MAGI1: variants seen among roughly 807,000 people sequenced by gnomAD.
MAGI1 encodes the protein membrane-associated guanylate kinase, WW and PDZ domain-containing protein 1.
A neutral mutation model predicts 139.9 loss-of-function variants in MAGI1; 58 were observed. The observed-to-expected ratio is 0.41, with a 90% CI of 0.34 to 0.52. The LOEUF is 0.52. Ranked by LOEUF, MAGI1 falls within the 20% of genes least tolerant of loss-of-function variation. MAGI1 has a pLI of 0.12. For synonymous variants in MAGI1, 812 were observed against 737.9 expected, an observed-to-expected ratio of 1.10 and a Z score of -1.63; for missense variants, 1,874 against 1,901.6, an observed-to-expected ratio of 0.99 and a Z score of 0.27.
chr3:65,682,523 G>C (rs571567093), intron 1 of MAGI1, among the ~76,000 whole-genome samples: 75 of 152,258 alleles, frequency 4.9e-4, no homozygotes, highest in Middle Eastern at 6.8e-3. Context: ...GCCAAGAAAG[G>C]AGCATTGACC....
chr3:66,010,192 AT>A (rs2067256062), intron 1 of MAGI1, among the ~76,000 whole-genome samples: 3 of 151,892 alleles, frequency 2.0e-5, no homozygotes, highest in African/African-American at 7.2e-5. Context: ...CATCACATGT[AT>A]TAGTAAGTCA....
intron 1 of MAGI1, among the ~76,000 whole-genome samples, chr3:65,700,450 AAAATAAAT>A (rs144201469): frequency 1.3e-5 from 2 of 151,622 alleles, no homozygotes; most frequent in African/African-American, 4.9e-5. Context: ...ACTCCATCTC[AAAATAAAT>A]AAATAAATAA....
intron 1 of MAGI1, among the ~76,000 whole-genome samples, chr3:65,815,583 T>C (rs1026938654): frequency 6.6e-6 from 1 of 152,198 alleles, no homozygotes; most frequent in African/African-American, 2.4e-5. Flanking sequence ...AGTCAAATCA[T>C]ATAGTATTAT....
At chr3:65,861,475 G>C (rs1438423690) in intron 1 of MAGI1, among the ~76,000 whole-genome samples, 3 of 152,186 alleles carry the variant, frequency 2.0e-5, no homozygotes, top group African/African-American at 7.2e-5. Context: ...TGCAGAAAAA[G>C]TATTACCCCT....
At chr3:65,583,740 C>T (rs906477375) in intron 2 of MAGI1, among the ~76,000 whole-genome samples, 1 of 152,078 alleles carries the variant, frequency 6.6e-6, no homozygotes, top group Non-Finnish European at 1.5e-5. Context: ...GAATAGGGCT[C>T]TTTAAGGACT....
intron 2 of MAGI1, among the ~76,000 whole-genome samples, chr3:65,558,047 C>T (rs1384797709): frequency 1.3e-5 from 2 of 152,200 alleles, no homozygotes; most frequent in African/African-American, 4.8e-5. Flanking sequence ...TCTGTCCGGA[C>T]TGCAGTCTCT....
intron 1 of MAGI1, chr3:65,893,919 T>G (rs1204690043): frequency 6.6e-6 from 1 of 152,138 alleles, no homozygotes; most frequent in Non-Finnish European, 1.5e-5. Context: ...AAACCTCAGG[T>G]GTGTTTCACC....
intron 1 of MAGI1, among the ~76,000 whole-genome samples, chr3:65,814,823 A>T (rs1471123356): frequency 1.3e-5 from 2 of 152,224 alleles, no homozygotes; most frequent in Non-Finnish European, 2.9e-5. Context: ...TGATCATTTT[A>T]AAACAAAGAC....
rs527848470 is a variant in MAGI1, at chr3:65,831,468, C to T, written c.313+206528G>A. Among the ~76,000 whole-genome samples, 15 of 152,302 alleles carry T rather than the reference C, an allele frequency of 9.8e-5. No homozygotes were observed. In the East Asian group the frequency reaches 2.7e-3, roughly 27 times the overall value. On this transcript the variant is annotated intron_variant, in intron 1 of 22. Transcript: ENST00000402939. The stretch of plus-strand genomic sequence containing the variant: ...GAGCAGAAGTATAGAGATAAAGCAT[C>T]TTATTGTATAACCACATACACGGTT...
At chr3:65,509,106 T>C (rs1459200555) in intron 2 of MAGI1, among the ~76,000 whole-genome samples, 1 of 152,214 alleles carries the variant, frequency 6.6e-6, no homozygotes, top group East Asian at 1.9e-4. Flanking sequence ...CCCACATTTT[T>C]GCCCAGAGGG....
At chr3:65,626,240 A>G (rs971901174) in intron 1 of MAGI1, among the ~76,000 whole-genome samples, 1 of 152,234 alleles carries the variant, frequency 6.6e-6, no homozygotes, top group Non-Finnish European at 1.5e-5. Context: ...TTTATCACAT[A>G]TATAACAAAG....
chr3:65,613,091 A>G (rs912910186), intron 2 of MAGI1, among the ~76,000 whole-genome samples: 3 of 152,184 alleles, frequency 2.0e-5, no homozygotes, highest in Non-Finnish European at 2.9e-5. Context: ...AGGCAGAAAA[A>G]TAAACCAAGA....
At chr3:65,732,531 T>C (rs774139299) in intron 1 of MAGI1, among the ~76,000 whole-genome samples, 21 of 152,324 alleles carry the variant, frequency 1.4e-4, no homozygotes, top group Non-Finnish European at 2.6e-4. Flanking sequence ...CTCTAGAGGA[T>C]ATCAGCATTA....
intron 1 of MAGI1, among the ~76,000 whole-genome samples, chr3:65,867,516 C>T (rs2059771195): frequency 6.6e-6 from 1 of 152,176 alleles, no homozygotes; most frequent in Non-Finnish European, 1.5e-5. Context: ...GAAAAGACTG[C>T]TTGAACCTAG....
chr3:65,645,342 T>C (rs1021691829), intron 1 of MAGI1, among the ~76,000 whole-genome samples: 2 of 152,112 alleles, frequency 1.3e-5, no homozygotes, highest in African/African-American at 4.8e-5. Flanking sequence ...AGAGTGACAG[T>C]AAATTTTTCA....
intron 1 of MAGI1, among the ~76,000 whole-genome samples, chr3:65,993,867 A>G (rs2066302554): frequency 6.6e-6 from 1 of 152,184 alleles, no homozygotes; most frequent in Non-Finnish European, 1.5e-5. Context: ...TCATGCCCAT[A>G]ACCTCTAGTC....
At chr3:65,785,190 A>C (rs6784223) in intron 1 of MAGI1, among the ~76,000 whole-genome samples, 10,930 of 151,476 alleles carry the variant, frequency 0.072, 579 homozygotes, top group African/African-American at 0.15. Flanking sequence ...TTACTTACTA[A>C]GTAATTTTTA....
intron 1 of MAGI1, among the ~76,000 whole-genome samples, chr3:65,784,635 G>A (rs1220775896): frequency 6.6e-6 from 1 of 152,144 alleles, no homozygotes; most frequent in African/African-American, 2.4e-5. Context: ...AACCAAGAAG[G>A]CGGAGCTTGC....
intron 2 of MAGI1, among the ~76,000 whole-genome samples, chr3:65,571,639 T>C (rs1021041192): frequency 1.3e-5 from 2 of 151,690 alleles, no homozygotes; most frequent in Admixed American, 1.3e-4. Context: ...GGTCAAATAA[T>C]ACAGCAAAGG....
Sources: gnomAD v4.1 joint callset for allele counts (sites outside exome capture counted in the v4.1 genomes callset) on GRCh38, gnomAD v4.1.1 for gene constraint, MANE v1.5 for transcripts, NCBI Gene and HGNC (gene_info 2026-07-23, HGNC 2026-07-21) for gene names.